PTPRD: variants seen among roughly 807,000 people sequenced by gnomAD.
PTPRD encodes receptor-type tyrosine-protein phosphatase delta.
PTPRD carries 34 observed loss-of-function variants against 214.5 expected under a neutral mutation model. The ratio of observed to expected loss-of-function variants is 0.16; its 90% confidence interval spans 0.12 to 0.21. The LOEUF (loss-of-function observed/expected upper bound fraction) is 0.21, where lower values mean the gene tolerates loss of function less well. PTPRD is among the 10% of genes least tolerant of loss of function. The pLI is 1.00. For missense variants in PTPRD, 2,545 were observed against 2,398.7 expected (o/e 1.06, Z -1.27); for synonymous variants, 1,128 against 845.7 (o/e 1.33, Z -5.79).
At chr9:9,296,333 T>A (rs1484494657) in intron 9 of PTPRD, among the ~76,000 whole-genome samples, 3 of 151,728 alleles carry the variant, frequency 2.0e-5, no homozygotes, top group South Asian at 2.1e-4. Flanking sequence ...GAAATGGACA[T>A]CATTAGCAGT....
At chr9:8,832,099 T>C (rs900999832) in intron 11 of PTPRD, among the ~76,000 whole-genome samples, 5 of 110,870 alleles carry the variant, frequency 4.5e-5, no homozygotes, top group Non-Finnish European at 9.1e-5. Flanking sequence ...AATATGTATG[T>C]GTATATGTGT....
chr9:8,901,304 C>T (rs191872504), intron 11 of PTPRD, among the ~76,000 whole-genome samples: 104 of 152,212 alleles, frequency 6.8e-4, no homozygotes, highest in Middle Eastern at 3.4e-3. Flanking sequence ...GGGAAAAGTT[C>T]CAGAAGAGAA....
chr9:9,510,241 A>C lies in PTPRD; in HGVS notation c.-237+64491T>G, dbSNP rs969687625. ...GTATTTTAAACATGATCCTACATTAAAGTCATTTTTTTTTCTTTTTTGGAA... is the reference window on the plus strand; with the variant it reads ...GTATTTTAAACATGATCCTACATTACAGTCATTTTTTTTTCTTTTTTGGAA... On this transcript the variant is annotated intron_variant, in intron 8 of 45. Coordinates refer to ENST00000381196, the MANE Select transcript of PTPRD (RefSeq NM_002839.4). Among the ~76,000 whole-genome samples the C allele has an allele frequency of 2.0e-5, 3 of 151,740 alleles. No individual in the cohort carries two copies. In the East Asian group the frequency reaches 5.8e-4, roughly 30 times the overall value.
intron 10 of PTPRD, among the ~76,000 whole-genome samples, chr9:9,134,246 G>C (rs930797002): frequency 1.2e-4 from 17 of 147,234 alleles, no homozygotes; most frequent in Non-Finnish European, 2.2e-4. Flanking sequence ...CTAATTTTTT[G>C]TATTTTTTAG....
chr9:9,045,707 G>A (rs2099670533), intron 10 of PTPRD, among the ~76,000 whole-genome samples: 2 of 152,060 alleles, frequency 1.3e-5, no homozygotes, highest in Admixed American at 1.3e-4. Flanking sequence ...CCATAATCCT[G>A]TGAACACATT....
chr9:8,473,725 A>G (rs1188734913), intron 30 of PTPRD, among the ~76,000 whole-genome samples: 1 of 151,886 alleles, frequency 6.6e-6, no homozygotes, highest in Non-Finnish European at 1.5e-5. Context: ...GCACTCCCCC[A>G]CTATTCATTT....
At chr9:9,173,121 C>T (rs957384867) in intron 10 of PTPRD, among the ~76,000 whole-genome samples, 5 of 152,082 alleles carry the variant, frequency 3.3e-5, no homozygotes, top group Non-Finnish European at 7.4e-5. Context: ...AAGCTCCCTC[C>T]TTAGGGTCTT....
At chr9:9,383,415 T>G (rs2062913415) in intron 9 of PTPRD, among the ~76,000 whole-genome samples, 1 of 152,142 alleles carries the variant, frequency 6.6e-6, no homozygotes, top group African/African-American at 2.4e-5. Flanking sequence ...TTAAGAGAAT[T>G]TGTATAATGT....
intron 4 of PTPRD, among the ~76,000 whole-genome samples, chr9:9,947,365 A>ATATATATTATATATATTATATATAT (rs1566616653): frequency 7.4e-5 from 3 of 40,738 alleles, no homozygotes; most frequent in African/African-American, 3.2e-4. Context: ...TATATATATT[A>ATATATATTATATATATTATATATAT]TATATATATT....
intron 3 of PTPRD, among the ~76,000 whole-genome samples, chr9:10,111,112 T>G (rs538341873): frequency 6.6e-6 from 1 of 151,958 alleles, no homozygotes; most frequent in East Asian, 1.9e-4. Context: ...AAGGGGAGAA[T>G]ACAATGCTTT....
chr9:8,892,144 C>T (rs1172699873), intron 11 of PTPRD, among the ~76,000 whole-genome samples: 2 of 152,150 alleles, frequency 1.3e-5, no homozygotes, highest in East Asian at 3.9e-4. Context: ...GCCCTAACAG[C>T]ATGGGAGAGT....
chr9:8,960,118 T>G (rs1297119815), intron 11 of PTPRD, among the ~76,000 whole-genome samples: 4 of 152,088 alleles, frequency 2.6e-5, no homozygotes, highest in African/African-American at 9.7e-5. Flanking sequence ...CTGTGTCACC[T>G]GGGACAAGTC....
intron 12 of PTPRD, among the ~76,000 whole-genome samples, chr9:8,723,434 G>T (rs188499346): frequency 2.0e-5 from 3 of 151,960 alleles, no homozygotes; most frequent in Admixed American, 1.3e-4. Context: ...AAGTCACGCC[G>T]TTCAGTGACT....
intron 9 of PTPRD, among the ~76,000 whole-genome samples, chr9:9,298,206 G>T (rs148665258): frequency 5.3e-5 from 8 of 151,624 alleles, no homozygotes; most frequent in Admixed American, 3.3e-4. Context: ...TAACCTAAAG[G>T]TTTCAGAAAT....
intron 11 of PTPRD, among the ~76,000 whole-genome samples, chr9:8,940,445 GCT>G (rs1555559356): frequency 7.3e-5 from 1 of 13,776 alleles, no homozygotes; most frequent in South Asian, 5.6e-3. Context: ...ACCACTCCCA[GCT>G]TTTTTTTTTT....
intron 4 of PTPRD, among the ~76,000 whole-genome samples, chr9:9,958,403 C>T (rs985166498): frequency 2.0e-5 from 3 of 152,024 alleles, no homozygotes; most frequent in Non-Finnish European, 4.4e-5. Flanking sequence ...TGGTGGCACG[C>T]ACCTGTAATA....
intron 9 of PTPRD, among the ~76,000 whole-genome samples, chr9:9,381,981 T>C (rs1401246210): frequency 2.0e-5 from 3 of 152,058 alleles, no homozygotes; most frequent in Non-Finnish European, 4.4e-5. Flanking sequence ...TATGCACATT[T>C]TAAAAACACC....
At chr9:8,701,366 G>A (rs2098079511) in intron 12 of PTPRD, 1 of 151,514 alleles carries the variant, frequency 6.6e-6, no homozygotes, top group Non-Finnish European at 1.5e-5. Flanking sequence ...CGGGCTCAGC[G>A]GCTCACGCCT....
intron 9 of PTPRD, among the ~76,000 whole-genome samples, chr9:9,206,163 C>A (rs1425051151): frequency 6.6e-6 from 1 of 152,102 alleles, no homozygotes. Context: ...GCTCAAAGAA[C>A]AAGGTGACCA....
Sources: gnomAD v4.1 joint callset for allele counts (sites outside exome capture counted in the v4.1 genomes callset) on GRCh38, gnomAD v4.1.1 for gene constraint, MANE v1.5 for transcripts, NCBI Gene and HGNC (gene_info 2026-07-23, HGNC 2026-07-21) for gene names.